The following USP6NL variants were observed in gnomAD, a reference collection of about 807,000 sequenced individuals.
USP6NL encodes USP6 N-terminal like, also known as USP6 N-terminal-like protein.
In USP6NL, 26 loss-of-function variants were observed where a neutral mutation model predicts 61.9. That is an observed-to-expected ratio of 0.42 (90% CI 0.31 to 0.58). The LOEUF is 0.58. USP6NL is among the 20% of genes least tolerant of loss of function. The probability of loss-of-function intolerance (pLI) is 0.16; values close to 1 mark genes in which losing one functional copy is unlikely to be tolerated. For synonymous variants in USP6NL, 432 were observed against 390.1 expected (o/e 1.11, Z -1.27); for missense variants, 1,114 against 1,034.3 (o/e 1.08, Z -1.06).
Position 11,470,031 on chromosome 10 carries a change from G to A in USP6NL, c.1079-6182C>T, listed in dbSNP as rs1391135035. Reference sequence around the variant, plus strand: ...AATGAGCAGTGTATATACAGCTTACGTTTCCAGGGAGGCCCTCAGGCCCCC... The same window carrying A: ...AATGAGCAGTGTATATACAGCTTACATTTCCAGGGAGGCCCTCAGGCCCCC... On this transcript the variant is annotated intron_variant, in intron 14 of 14. Coordinates refer to ENST00000609104, the MANE Select transcript of USP6NL (RefSeq NM_014688.5). The surrounding 1 kb of genome is among the most constrained non-coding windows in gnomAD (Gnocchi z 5.4). 6.6e-6 allele frequency among the ~76,000 whole-genome samples: 1 copy of A among 152,190 alleles called. No homozygotes were observed. Among genetic ancestry groups the A allele is most frequent in the Non-Finnish European group, 1.5e-5 (1 of 68,042 alleles).
intron 1 of USP6NL, among the ~76,000 whole-genome samples, chr10:11,601,925 C>G (rs1485387355): frequency 6.6e-6 from 1 of 152,000 alleles, no homozygotes; most frequent in Admixed American, 6.6e-5. Context: ...CATTTTTTCA[C>G]AGAAATTCCT....
At chr10:11,475,596 CAAA>C (rs35589300) in intron 14 of USP6NL, among the ~76,000 whole-genome samples, 701 of 38,678 alleles carry the variant, frequency 0.018, 4 homozygotes, top group African/African-American at 0.074. Flanking sequence ...AACTCTGTCG[CAAA>C]AAAAAAAAAA....
At chr10:11,566,164 C>T (rs1289470547) in intron 2 of USP6NL, among the ~76,000 whole-genome samples, 2 of 152,210 alleles carry the variant, frequency 1.3e-5, no homozygotes, top group African/African-American at 4.8e-5. Flanking sequence ...GGCTGTACTT[C>T]ACCCTGAAAG....
intron 2 of USP6NL, among the ~76,000 whole-genome samples, chr10:11,570,682 T>C (rs550475053): frequency 4.1e-4 from 63 of 152,216 alleles, no homozygotes; most frequent in Non-Finnish European, 7.8e-4. Flanking sequence ...AAGCAGGATC[T>C]TCAGTAACAC....
chr10:11,549,707 T>C (rs923245087), intron 2 of USP6NL, among the ~76,000 whole-genome samples: 4 of 152,228 alleles, frequency 2.6e-5, no homozygotes, highest in African/African-American at 9.6e-5. Flanking sequence ...TTCTAATTCA[T>C]TTTCCTAAAG....
At chr10:11,565,830 G>A (rs147901457) in intron 2 of USP6NL, among the ~76,000 whole-genome samples, 3 of 152,206 alleles carry the variant, frequency 2.0e-5, no homozygotes, top group East Asian at 3.9e-4. Flanking sequence ...CATCACAGGT[G>A]GCAGAATGGG....
At chr10:11,539,274 G>A (rs961496148) in intron 2 of USP6NL, among the ~76,000 whole-genome samples, 2 of 152,166 alleles carry the variant, frequency 1.3e-5, no homozygotes, top group Non-Finnish European at 2.9e-5. Flanking sequence ...CAGTGGGCAG[G>A]TCTAAGTCAA....
chr10:11,487,708 C>T lies in USP6NL; in HGVS notation c.664+1394G>A, dbSNP rs12357622. ...ACTTTTAGAGCCTATTTACTAGATGCAAAGCGCCCAGACCCAGTTACCATG... is the reference window on the plus strand; with the variant it reads ...ACTTTTAGAGCCTATTTACTAGATGTAAAGCGCCCAGACCCAGTTACCATG... On this transcript the variant is annotated intron_variant, in intron 10 of 14. Transcript: ENST00000609104. This position sits in a 1 kb window ranked among gnomAD's most constrained non-coding sequence, Gnocchi z 4.2. Among the ~76,000 whole-genome samples, 17,147 of 152,096 alleles carry T rather than the reference C, an allele frequency of 0.11. 1,257 individuals are homozygous for T. The highest frequency in any genetic ancestry group is 0.16 in the East Asian group (826 of 5,184).
intron 2 of USP6NL, among the ~76,000 whole-genome samples, chr10:11,536,336 C>G (rs1835831451): frequency 6.6e-6 from 1 of 152,140 alleles, no homozygotes; most frequent in Admixed American, 6.5e-5. Flanking sequence ...GTGAGGTCCA[C>G]AAAATCTATC....
intron 2 of USP6NL, among the ~76,000 whole-genome samples, chr10:11,580,130 C>T (rs1837700025): frequency 6.8e-6 from 1 of 146,192 alleles, no homozygotes; most frequent in Non-Finnish European, 1.5e-5. Context: ...GATGAGTTGA[C>T]AAACCCTGCC....
At position 11,470,911 on chromosome 10, in the gene USP6NL, C is replaced by T. The variant is rs1591816900; in HGVS notation, c.1079-7062G>A. Among the ~76,000 whole-genome samples the T allele has an allele frequency of 6.6e-6, 1 of 152,170 alleles. No homozygotes were observed. Among genetic ancestry groups the T allele is most frequent in the African/African-American group, 2.4e-5 (1 of 41,434 alleles). On this transcript the variant is annotated intron_variant, in intron 14 of 14. Coordinates refer to ENST00000609104, the MANE Select transcript of USP6NL (RefSeq NM_014688.5). The surrounding 1 kb of genome is among the most constrained non-coding windows in gnomAD (Gnocchi z 5.4). ...AAAAACACAGGAATTGGAGGCCTGG[C>T]GTGGTGGCTCACGCCTGTAATCCCA... is the stretch of plus-strand genomic sequence containing the variant.
chr10:11,484,621 C>A (rs1833380978), intron 13 of USP6NL, among the ~76,000 whole-genome samples: 1 of 152,120 alleles, frequency 6.6e-6, no homozygotes, highest in African/African-American at 2.4e-5. Flanking sequence ...TCTCTTACTG[C>A]AAACTTGAGA....
chr10:11,483,455 T>G (rs571132461), intron 13 of USP6NL, among the ~76,000 whole-genome samples: 5 of 136,384 alleles, frequency 3.7e-5, no homozygotes, highest in African/African-American at 1.4e-4. Flanking sequence ...GTTCTCTATT[T>G]TGATCCCTTA....
intron 2 of USP6NL, among the ~76,000 whole-genome samples, chr10:11,570,621 C>T (rs1303161384): frequency 6.6e-6 from 1 of 152,186 alleles, no homozygotes; most frequent in Admixed American, 6.5e-5. Flanking sequence ...GAAACATACA[C>T]TGTTTTTCAA....
chr10:11,580,467 G>A (rs1004229049), intron 2 of USP6NL, among the ~76,000 whole-genome samples: 3 of 152,040 alleles, frequency 2.0e-5, no homozygotes, highest in African/African-American at 7.2e-5. Context: ...AAAAAAAATG[G>A]GAAATAATCG....
chr10:11,502,419 C>T (rs186147748), intron 6 of USP6NL, among the ~76,000 whole-genome samples: 2 of 152,218 alleles, frequency 1.3e-5, no homozygotes, highest in African/African-American at 4.8e-5. Flanking sequence ...AAACCTATTA[C>T]GGTCATCACA....
At position 11,481,980 on chromosome 10, in the gene USP6NL, A is replaced by G; in HGVS notation, c.926-58T>C. On this transcript the variant is annotated intron_variant, in intron 13 of 14. Coordinates refer to ENST00000609104, the MANE Select transcript of USP6NL (RefSeq NM_014688.5). This position sits in a 1 kb window ranked among gnomAD's most constrained non-coding sequence, Gnocchi z 4.4. ...GTCAATAGCTACTTTAGGTAGGAAG[A>G]TATTCTATTATATTCAGGTGTAGTG... The G allele has an allele frequency of 6.7e-7, 1 of 1,482,434 alleles. No homozygotes were observed. Among genetic ancestry groups the G allele is most frequent in the Admixed American group, 2.3e-5 (1 of 44,100 alleles). 91.8% of individuals were successfully genotyped at this position (1,482,434 alleles called of 1,614,324 possible). A position where few individuals can be genotyped will look rare whatever the true frequency, so the allele number is the denominator to read the frequency against.
At chr10:11,473,945 C>T (rs1336322317) in intron 14 of USP6NL, among the ~76,000 whole-genome samples, 11 of 151,940 alleles carry the variant, frequency 7.2e-5, no homozygotes, top group Admixed American at 4.6e-4. Flanking sequence ...AGGTGGTGGG[C>T]GACGAGGGTC....
Position 11,487,579 on chromosome 10 carries a change from C to T in USP6NL, c.664+1523G>A, listed in dbSNP as rs1168014370. The stretch of plus-strand genomic sequence containing the variant: ...AAGACAGATCAGCAACACAATCCCA[C>T]GGGAAAGCAAAATAAAGACTGACAG... On this transcript the variant is annotated intron_variant, in intron 10 of 14. Coordinates refer to ENST00000609104, the MANE Select transcript of USP6NL (RefSeq NM_014688.5). The surrounding 1 kb of genome is among the most constrained non-coding windows in gnomAD (Gnocchi z 4.2). Among the ~76,000 whole-genome samples the T allele has an allele frequency of 1.3e-5, 2 of 152,156 alleles. No homozygotes were observed. Among genetic ancestry groups the T allele is most frequent in the East Asian group, 1.9e-4 (1 of 5,202 alleles).
Sources: allele counts gnomAD v4.1 joint callset (sites outside exome capture counted in the v4.1 genomes callset), GRCh38; gene constraint gnomAD v4.1.1; non-coding constraint Gnocchi (gnomAD v3.1); transcripts MANE v1.5; gene names NCBI Gene and HGNC (gene_info 2026-07-23, HGNC 2026-07-21).